CHODL: variants seen among roughly 807,000 people sequenced by gnomAD.
CHODL encodes the protein chondrolectin.
CHODL carries 29 observed loss-of-function variants against 34.5 expected under a neutral mutation model. The ratio of observed to expected loss-of-function variants is 0.84; its 90% CI spans 0.63 to 1.15. The LOEUF (loss-of-function observed/expected upper bound fraction) is 1.15, where lower values mean the gene tolerates loss of function less well. Among genes scored for constraint, CHODL ranks in the 50% most tolerant of loss-of-function variants. The pLI is 0.00. For missense variants in CHODL, 332 were observed against 332.5 expected, an observed-to-expected ratio of 1.00 and a Z score of 0.01; for synonymous variants, 125 against 116.1, an observed-to-expected ratio of 1.08 and a Z score of -0.49.
intron 2 of CHODL, among the ~76,000 whole-genome samples, chr21:18,158,693 C>A (rs1480265589): frequency 6.6e-6 from 1 of 152,000 alleles, no homozygotes. Context: ...CAAAAATCAG[C>A]TGGGTGTGGT....
intron 2 of CHODL, among the ~76,000 whole-genome samples, chr21:18,169,722 C>G (rs2142257): frequency 0.97 from 147,299 of 152,134 alleles, 71,451 homozygotes; most frequent in African/African-American, 0.99. Context: ...TTTTAAAATA[C>G]GATTAAAATA....
chr21:18,074,326 C>G (rs565711136), intron 2 of CHODL, among the ~76,000 whole-genome samples: 1 of 152,252 alleles, frequency 6.6e-6, no homozygotes, highest in East Asian at 1.9e-4. Context: ...AATTTAATAA[C>G]AGACTTTAAG....
intron 2 of CHODL, among the ~76,000 whole-genome samples, chr21:18,125,116 G>T (rs115710837): frequency 0.014 from 2,091 of 152,276 alleles, 52 homozygotes; most frequent in African/African-American, 0.047. Context: ...CTTAAGCCAG[G>T]TGTGTCTGAT....
chr21:18,003,789 C>T (rs1365322560), intron 1 of CHODL, among the ~76,000 whole-genome samples: 3 of 152,170 alleles, frequency 2.0e-5, no homozygotes, highest in Admixed American at 6.5e-5. Context: ...CAGATCGTTC[C>T]AGCACAGGGC....
At chr21:17,940,672 TCTTATATGCACAAAAATTTA>T in intron 1 of CHODL, among the ~76,000 whole-genome samples, 1 of 152,232 alleles carries the variant, frequency 6.6e-6, no homozygotes, top group Admixed American at 6.5e-5. Flanking sequence ...TTAAAACGTT[TCTTATATGCACAAAAATTTA>T]AAAGAATGCG....
intron 1 of CHODL, among the ~76,000 whole-genome samples, chr21:17,921,604 C>T (rs1340364183): frequency 6.6e-6 from 1 of 152,162 alleles, no homozygotes; most frequent in Non-Finnish European, 1.5e-5. Flanking sequence ...GACATTTATC[C>T]ACCTTTGTCT....
chr21:18,135,458 C>T (rs12626756), intron 2 of CHODL, among the ~76,000 whole-genome samples: 5 of 151,938 alleles, frequency 3.3e-5, no homozygotes, highest in South Asian at 2.1e-4. Context: ...GTAGCCTCAG[C>T]GTTCCATCCA....
intron 2 of CHODL, among the ~76,000 whole-genome samples, chr21:18,128,873 A>G (rs1043766128): frequency 1.3e-5 from 2 of 152,130 alleles, no homozygotes; most frequent in African/African-American, 4.8e-5. Context: ...GCAATGCTAT[A>G]GAATTTATTG....
At chr21:17,977,456 T>G (rs2591643) in intron 1 of CHODL, among the ~76,000 whole-genome samples, 1 of 148,562 alleles carries the variant, frequency 6.7e-6, no homozygotes, top group African/African-American at 2.5e-5. Flanking sequence ...ACCTCCGCCT[T>G]CGGAGTTCAA....
At chr21:18,251,459 T>TTATTTTAA in intron 1 of CHODL, among the ~76,000 whole-genome samples, 1 of 14,690 alleles carries the variant, frequency 6.8e-5, no homozygotes, top group African/African-American at 1.9e-4. Flanking sequence ...ACATATTTAT[T>TTATTTTAA]TTATTTATTT....
chr21:17,930,716 T>A lies in CHODL; in HGVS notation c.-145+13316T>A, dbSNP rs113308718. Among the ~76,000 whole-genome samples the A allele has an allele frequency of 7.6e-3, 1,161 of 152,282 alleles. 18 individuals are homozygous for A. Among genetic ancestry groups the A allele is most frequent in the African/African-American group, 0.026 (1,078 of 41,558 alleles). ...TTGCCTAGCCCAGTGATGGCACCTG[T>A]TCATTCCCTCTGGGGTCTGAGGTTG... On this transcript the variant is annotated intron_variant, in intron 1 of 6. Transcript: ENST00000400127.
intron 2 of CHODL, among the ~76,000 whole-genome samples, chr21:18,238,708 C>T (rs1445975945): frequency 6.6e-6 from 1 of 152,020 alleles, no homozygotes; most frequent in Non-Finnish European, 1.5e-5. Context: ...ATATTTTTTC[C>T]AGAAGTCTTT....
At chr21:18,129,100 C>T (rs887497784) in intron 2 of CHODL, among the ~76,000 whole-genome samples, 23 of 151,782 alleles carry the variant, frequency 1.5e-4, no homozygotes, top group African/African-American at 5.3e-4. Flanking sequence ...TTTTTTGTCA[C>T]TTGCTGTATA....
At chr21:18,191,797 G>T (rs2073513698) in intron 2 of CHODL, among the ~76,000 whole-genome samples, 2 of 152,266 alleles carry the variant, frequency 1.3e-5, no homozygotes, top group Admixed American at 1.3e-4. Context: ...TTTCCAGGAG[G>T]TTGGGGGCAG....
chr21:18,234,536 G>T (rs1028546918), intron 2 of CHODL, among the ~76,000 whole-genome samples: 1 of 152,028 alleles, frequency 6.6e-6, no homozygotes, highest in East Asian at 1.9e-4. Flanking sequence ...GAAAGAAATG[G>T]TTCTTTGTAA....
chr21:18,030,705 CTT>C (rs2064237610), intron 2 of CHODL, among the ~76,000 whole-genome samples: 1 of 152,064 alleles, frequency 6.6e-6, no homozygotes, highest in African/African-American at 2.4e-5. Flanking sequence ...GTGGAAATCT[CTT>C]TAGGATTCTG....
intron 1 of CHODL, among the ~76,000 whole-genome samples, chr21:18,006,446 A>G (rs1182234453): frequency 6.6e-6 from 1 of 152,124 alleles, no homozygotes; most frequent in African/African-American, 2.4e-5. Context: ...TCACCTATCT[A>G]CATTACTGCC....
chr21:18,266,889 G>A lies in CHODL; in HGVS notation c.*851G>A, dbSNP rs1321797364. On this transcript the variant is annotated 3_prime_UTR_variant, in exon 6 of 6. Transcript: ENST00000299295. ...CAATATAAATCATATGTCTTCACAC[G>A]TTGCCTATATAATGAGAAGCAGCTC... is the stretch of plus-strand genomic sequence containing the variant. 6.6e-6 allele frequency: 1 copy of A among 152,456 alleles called. No individual in the cohort carries two copies. The highest frequency in any genetic ancestry group is 2.4e-5 in the African/African-American group (1 of 41,446). The allele number at this position is 152,456 out of a possible 1,614,324, so 9.4% of individuals were successfully genotyped here.
In CHODL at chr21:18,174,135, A is replaced by ATATATATATATATCTTGG. The variant is rs1555879186; in HGVS notation, c.-44-82361_-44-82360insCTTGGTATATATATATAT. Reference sequence around the variant, plus strand: ...TATATATCTTGGTGTATATATATATATATATATATATATATATATATATAT... The same window carrying ATATATATATATATCTTGG: ...TATATATCTTGGTGTATATATATATATATATATATATATCTTGGTATATATATATATATATATATATAT... On this transcript the variant is annotated intron_variant, in intron 2 of 6. Transcript: ENST00000400127. 1.5e-3 allele frequency among the ~76,000 whole-genome samples: 80 copies of ATATATATATATATCTTGG among 51,668 alleles called. 5 individuals carry two copies. Among genetic ancestry groups the ATATATATATATATCTTGG allele is most frequent in the Middle Eastern group, 0.014 (1 of 74 alleles). The allele number at this position is 51,668 out of a possible 152,430, so 33.9% of individuals were successfully genotyped here.
Sources: allele counts gnomAD v4.1 joint callset (sites outside exome capture counted in the v4.1 genomes callset), GRCh38; gene constraint gnomAD v4.1.1; transcripts MANE v1.5; gene names NCBI Gene and HGNC (gene_info 2026-07-23, HGNC 2026-07-21).